Variants in MAN2A2 observed in about 807,000 individuals in gnomAD.
MAN2A2 encodes alpha-mannosidase 2x.
MAN2A2 carries 79 observed loss-of-function variants against 126.8 expected under a neutral mutation model. The observed-to-expected ratio is 0.62, with a 90% CI of 0.52 to 0.75. MAN2A2 has a LOEUF of 0.75. MAN2A2 is among the 30% of genes least tolerant of loss of function. MAN2A2 has a pLI of 0.00. For missense variants in MAN2A2, 1,392 were observed against 1,522.4 expected (o/e 0.91, Z 1.43); for synonymous variants, 671 against 618.7 (o/e 1.08, Z -1.25).
At chr15:90,919,087 C>T (rs2035407091) in intron 22 of MAN2A2, among the ~76,000 whole-genome samples, 1 of 152,210 alleles carries the variant, frequency 6.6e-6, no homozygotes, top group Admixed American at 6.5e-5. Flanking sequence ...GGTGCCAGGT[C>T]CTCTGCTGGG....
chr15:90,912,149 A>G lies in MAN2A2; in HGVS notation c.2216A>G (p.His739Arg). Residue 739 changes from histidine (H) to arginine (R), a missense_variant, in exon 15 of 23, where the codon CAC (histidine) becomes CGC (arginine). Coordinates refer to ENST00000559717, the MANE Select transcript of MAN2A2 (RefSeq NM_006122.4). ...TLPSSVRIYL[H>R]GRQLSVSRHE... ...CCCTCCTCTGTGCGCATCTACCTGC[A>G]CGGCCGGCAGCTGTCCGTCAGCAGG... 1 of 1,613,898 alleles carries G rather than the reference A, an allele frequency of 6.2e-7. No homozygotes were observed.
chr15:90,916,339 A>G, intron 20 of MAN2A2, 83 bp downstream of exon 20: 1 of 1,523,720 alleles, frequency 6.6e-7, no homozygotes, highest in Non-Finnish European at 8.9e-7. Context: ...GGGCTCGAGG[A>G]GCGTAGTTGG....
In MAN2A2 at chr15:90,910,918, A is replaced by G; in HGVS notation, c.1832A>G (p.Lys611Arg). Residue 611 changes from lysine to arginine, a missense_variant, in exon 12 of 23, where the codon AAG becomes AGG. Physicochemically the swap from Lys to Arg is conservative, Grantham distance 26. Coordinates refer to ENST00000559717, the MANE Select transcript of MAN2A2 (RefSeq NM_006122.4). The part of the protein sequence containing the change: ...HAAHYLVLGD[K>R]ETYHFDPEAP... ...GCCCACTATCTGGTGCTGGGGGACA[A>G]GGAGACCTACCACTTTGACCCTGAG... 1 of 1,614,130 alleles carries G rather than the reference A, an allele frequency of 6.2e-7. No homozygotes were observed. Among genetic ancestry groups the G allele is most frequent in the Non-Finnish European group, 8.5e-7 (1 of 1,180,014 alleles).
chr15:90,912,309 A>AG (rs1217775460), intron 15 of MAN2A2, 30 bp downstream of exon 15: 1 of 1,610,326 alleles, frequency 6.2e-7, no homozygotes, highest in East Asian at 2.2e-5. Flanking sequence ...GGGAAGGGCC[A>AG]GGGGCCAGAG....
Position 90,905,701 on chromosome 15 carries a change from G to T in MAN2A2, c.513G>T (p.Val171=). 2 of 1,614,030 alleles carry T rather than the reference G, an allele frequency of 1.2e-6. No individual in the cohort carries two copies. Among genetic ancestry groups the T allele is most frequent in the Non-Finnish European group, 1.7e-6 (2 of 1,179,974 alleles). Residue 171 remains valine, a synonymous_variant, in exon 4 of 23, where the codon GTG becomes GTT. Coordinates refer to ENST00000559717, the MANE Select transcript of MAN2A2 (RefSeq NM_006122.4). ...WDAEDLQVFV[V]PHSHNDPGWI... ...CTGAAGACCTGCAGGTGTTTGTGGT[G>T]CCCCACTCTCACAATGACCCAGGTG...
At chr15:90,916,816 G>A (rs187434716) in intron 20 of MAN2A2, among the ~76,000 whole-genome samples, 15 of 152,346 alleles carry the variant, frequency 9.8e-5, no homozygotes, top group Non-Finnish European at 1.5e-4. Flanking sequence ...AGTGCAGACA[G>A]TGCTGACTCT....
chr15:90,904,465 C>A, intron 2 of MAN2A2, 126 bp downstream of exon 2: 1 of 1,072,474 alleles, frequency 9.3e-7, no homozygotes, highest in Non-Finnish European at 1.3e-6. Context: ...GGACAGGAGC[C>A]TTCCTTCCCA....
chr15:90,904,196 G>T lies in MAN2A2; in HGVS notation c.-12G>T. The T allele has an allele frequency of 6.2e-7, 1 of 1,614,186 alleles. No individual in the cohort carries two copies. The highest frequency in any genetic ancestry group is 8.5e-7 in the Non-Finnish European group (1 of 1,180,018). ...ATGGTGTCCTTCCTGCCAGGTGTGT[G>T]TGGAGGCCAGTATGAAGCTGAAAAA... On this transcript the variant is annotated 5_prime_UTR_variant, in exon 2 of 23. Coordinates refer to ENST00000559717, the MANE Select transcript of MAN2A2 (RefSeq NM_006122.4).
rs1158357754 is a variant in MAN2A2 at position 90,905,829 on chromosome 15, T to C, written c.536-16T>C. On this transcript the variant is annotated splice_polypyrimidine_tract_variant and intron_variant, in intron 4 of 22. Transcript: ENST00000559717. Reference sequence around the variant, plus strand: ...AGATGGTGGCATCCTCAGGGGACCCTACATTGGCTCCCTAGGCTGGATCAA... The same window carrying C: ...AGATGGTGGCATCCTCAGGGGACCCCACATTGGCTCCCTAGGCTGGATCAA... The C allele has an allele frequency of 1.3e-6, 2 of 1,574,596 alleles. No individual in the cohort carries two copies. Among genetic ancestry groups the C allele is most frequent in the African/African-American group, 1.4e-5 (1 of 74,060 alleles).
intron 8 of MAN2A2, among the ~76,000 whole-genome samples, chr15:90,908,078 C>T (rs1428722431): frequency 6.6e-6 from 1 of 152,182 alleles, no homozygotes; most frequent in East Asian, 1.9e-4. Context: ...TCCCTGATGT[C>T]CAAGAGTTGA....
chr15:90,907,199 A>T, intron 7 of MAN2A2, 110 bp from the exon 8 acceptor site: 1 of 1,119,066 alleles, frequency 8.9e-7, no homozygotes, highest in South Asian at 1.4e-5. Context: ...CCCTAGGTCC[A>T]GTTACAGCCT....
At position 90,918,688 on chromosome 15, in the gene MAN2A2, G is replaced by A. The variant is rs370462457; in HGVS notation, c.3233G>A (p.Arg1078His). The A allele has an allele frequency of 7.0e-5, 106 of 1,521,642 alleles. No homozygotes were observed. The highest frequency in any genetic ancestry group is 8.3e-5 in the Non-Finnish European group (91 of 1,096,358). The allele number at this position is 1,521,642 out of a possible 1,614,324, so 94.3% of individuals were successfully genotyped here. A position where few individuals can be genotyped will look rare whatever the true frequency, so the allele number is the denominator to read the frequency against. Residue 1078 changes from arginine (R) to histidine (H), a missense_variant, in exon 22 of 23, where the codon CGC becomes CAC. Coordinates refer to ENST00000559717, the MANE Select transcript of MAN2A2 (RefSeq NM_006122.4). Reference protein sequence around the residue: ...PSAETALILHRKGFDCGLEAK... With the variant: ...PSAETALILHHKGFDCGLEAK... ...GCGGAGACCGCACTCATCTTACACC[G>A]CAAGGGTTTTGACTGCGGCCTGGAG...
intron 19 of MAN2A2, among the ~76,000 whole-genome samples, chr15:90,914,243 T>C (rs1399005930): frequency 6.6e-6 from 1 of 152,218 alleles, no homozygotes; most frequent in East Asian, 1.9e-4. Flanking sequence ...GATGGGAGGA[T>C]TGCTTGAGCC....
At chr15:90,916,051 G>A (rs1047874122) in intron 19 of MAN2A2, 72 bp from the exon 20 acceptor site, 12 of 1,549,658 alleles carry the variant, frequency 7.7e-6, no homozygotes, top group Non-Finnish European at 8.8e-6. Flanking sequence ...CTGTGGCTTG[G>A]GATTCTCCTT....
chr15:90,912,770 G>A, intron 16 of MAN2A2, 106 bp downstream of exon 16: 1 of 1,570,808 alleles, frequency 6.4e-7, no homozygotes, highest in Non-Finnish European at 8.7e-7. Flanking sequence ...TTCCTGTTCA[G>A]CCCAGGGGTG....
At chr15:90,919,095 G>C (rs1202854625) in intron 22 of MAN2A2, among the ~76,000 whole-genome samples, 3 of 152,192 alleles carry the variant, frequency 2.0e-5, no homozygotes, top group African/African-American at 7.2e-5. Flanking sequence ...GTCCTCTGCT[G>C]GGCTCCAGTG....
chr15:90,908,796 G>T (rs1596148959), intron 8 of MAN2A2, among the ~76,000 whole-genome samples: 1 of 152,210 alleles, frequency 6.6e-6, no homozygotes, highest in Non-Finnish European at 1.5e-5. Context: ...GGCTGGTCTT[G>T]AATTCCTGAC....
In MAN2A2 at chr15:90,906,546, C is replaced by T. The variant is rs772775939; in HGVS notation, c.835+49C>T. 7 of 1,613,290 alleles carry T rather than the reference C, an allele frequency of 4.3e-6. No homozygotes were observed. The South Asian group carries it at 7.7e-5, about 18-fold the overall frequency. On this transcript the variant is annotated intron_variant, in intron 6 of 22. Transcript: ENST00000559717. ...GGTCTGCCCCCTGGGCTGTAAGGCA[C>T]AGGCAGGGGCTGTAAGGCACAGGGA...
chr15:90,906,328 A>G, intron 5 of MAN2A2, 42 bp from the exon 6 acceptor site: 3 of 1,612,514 alleles, frequency 1.9e-6, no homozygotes, highest in Non-Finnish European at 2.5e-6. Context: ...AGGACTGGGC[A>G]GAGTGTCCTG....
Sources: allele counts gnomAD v4.1 joint callset (sites outside exome capture counted in the v4.1 genomes callset), GRCh38; gene constraint gnomAD v4.1.1; transcripts MANE v1.5; gene names NCBI Gene and HGNC (gene_info 2026-07-23, HGNC 2026-07-21).